Variants in CDIN1 observed in about 807,000 individuals in gnomAD.
The protein encoded by CDIN1 is CDAN1-interacting nuclease 1.
A neutral mutation model predicts 45.3 loss-of-function variants in CDIN1; 33 were observed. That is an observed-to-expected ratio of 0.73 (90% confidence interval 0.55 to 0.97). CDIN1 has a LOEUF of 0.97. CDIN1 is among the 50% of genes least tolerant of loss of function. CDIN1 has a pLI of 0.00. For missense variants in CDIN1, 303 were observed against 339.4 expected (o/e 0.89, Z 0.84); for synonymous variants, 118 against 124.4 (o/e 0.95, Z 0.34).
intron 8 of CDIN1, among the ~76,000 whole-genome samples, chr15:36,701,655 T>G (rs563853724): frequency 2.8e-4 from 42 of 152,308 alleles, no homozygotes; most frequent in Middle Eastern, 3.4e-3. Flanking sequence ...ATAAGAATGG[T>G]TCTGGAGATA....
intron 10 of CDIN1, among the ~76,000 whole-genome samples, chr15:36,801,694 G>A (rs749046178): frequency 4.6e-5 from 7 of 152,064 alleles, no homozygotes; most frequent in South Asian, 2.1e-4. Context: ...CCTTCACAGC[G>A]TGAGACATTT....
At chr15:36,590,174 T>C (rs994739530) in intron 1 of CDIN1, among the ~76,000 whole-genome samples, 7 of 152,174 alleles carry the variant, frequency 4.6e-5, no homozygotes, top group African/African-American at 1.7e-4. Context: ...AAAAGTTTGT[T>C]TGCTTTTTTT....
chr15:36,744,777 A>G (rs1034495744), intron 10 of CDIN1, among the ~76,000 whole-genome samples: 1 of 152,174 alleles, frequency 6.6e-6, no homozygotes, highest in South Asian at 2.1e-4. Context: ...CTTCAACTAT[A>G]CTGCTGTTTT....
At chr15:36,795,687 TTTTA>T (rs1329208933) in intron 10 of CDIN1, among the ~76,000 whole-genome samples, 2 of 151,682 alleles carry the variant, frequency 1.3e-5, no homozygotes, top group South Asian at 2.1e-4. Context: ...CAGCTCTTGT[TTTTA>T]TTTATTTTTA....
chr15:36,803,410 C>T (rs999799186), intron 10 of CDIN1, among the ~76,000 whole-genome samples: 19 of 152,040 alleles, frequency 1.2e-4, no homozygotes, highest in African/African-American at 4.6e-4. Context: ...GCAGCTGTTA[C>T]TTATCTTCAG....
Position 36,614,164 on chromosome 15 carries a change from T to A in CDIN1, c.102-30114T>A, listed in dbSNP as rs949930509. 24 of 697,406 alleles carry A rather than the reference T, an allele frequency of 3.4e-5. No individual in the cohort carries two copies. In the African/African-American group the frequency reaches 3.8e-4, roughly 11 times the overall value. The allele number at this position is 697,406 out of a possible 1,614,324, so 43.2% of individuals were successfully genotyped here. On this transcript the variant is annotated intron_variant, in intron 1 of 10. Coordinates refer to ENST00000566621, the MANE Select transcript of CDIN1 (RefSeq NM_001321759.2). ...AGAGGAGTATTCTGTACACAGAGGT[T>A]GCTGGACCAGACTCTGCTGACCTGA...
chr15:36,609,068 T>C (rs1333644560), intron 1 of CDIN1, among the ~76,000 whole-genome samples: 1 of 152,140 alleles, frequency 6.6e-6, no homozygotes, highest in Non-Finnish European at 1.5e-5. Flanking sequence ...TGGAGTGCAG[T>C]GACATGATCA....
chr15:36,685,338 C>A (rs545203052), intron 5 of CDIN1, among the ~76,000 whole-genome samples: 1 of 151,770 alleles, frequency 6.6e-6, no homozygotes, highest in East Asian at 1.9e-4. Context: ...TCGTTATGTA[C>A]CCAGTAGTCA....
At chr15:36,747,115 C>T (rs2044473635) in intron 10 of CDIN1, 2 of 395,662 alleles carry the variant, frequency 5.1e-6, no homozygotes. Context: ...AATTTCTCAG[C>T]AGTTAGTGCA....
chr15:36,684,007 A>G (rs1364194562), intron 5 of CDIN1, among the ~76,000 whole-genome samples: 1 of 147,908 alleles, frequency 6.8e-6, no homozygotes, highest in East Asian at 2.0e-4. Context: ...ATATACAATC[A>G]TGTCGTCTGC....
At chr15:36,740,135 C>G (rs773386693) in intron 10 of CDIN1, among the ~76,000 whole-genome samples, 1 of 152,166 alleles carries the variant, frequency 6.6e-6, no homozygotes, top group Non-Finnish European at 1.5e-5. Context: ...CTGAGAAATT[C>G]TGTGTCAAGG....
chr15:36,794,018 G>GAAAA (rs36187344), intron 10 of CDIN1, among the ~76,000 whole-genome samples: 1 of 136,962 alleles, frequency 7.3e-6, no homozygotes, highest in African/African-American at 2.7e-5. Context: ...TTACTGTGGT[G>GAAAA]AAAAAAAAAA....
chr15:36,722,985 G>GTGTGTGTT (rs111713255), intron 10 of CDIN1, among the ~76,000 whole-genome samples: 18,619 of 119,018 alleles, frequency 0.16, 1,601 homozygotes, highest in East Asian at 0.27. Flanking sequence ...GTGTGTGTGT[G>GTGTGTGTT]TTTCTCTCTC....
chr15:36,590,448 C>T (rs1397541727), intron 1 of CDIN1, among the ~76,000 whole-genome samples: 1 of 152,172 alleles, frequency 6.6e-6, no homozygotes, highest in African/African-American at 2.4e-5. Context: ...ATTCATATCT[C>T]TTAATATAGC....
chr15:36,671,909 T>TCAGAATA (rs2041466365), intron 5 of CDIN1, among the ~76,000 whole-genome samples: 2 of 152,132 alleles, frequency 1.3e-5, no homozygotes, highest in African/African-American at 4.8e-5. Flanking sequence ...TAGAAGAACT[T>TCAGAATA]CAGAATACAT....
At chr15:36,643,088 A>C (rs10851994) in intron 1 of CDIN1, among the ~76,000 whole-genome samples, 145,239 of 152,242 alleles carry the variant, frequency 0.95, 69,285 homozygotes, top group East Asian at 1. Context: ...ATTGAAAAAA[A>C]CAGACTATAA....
At chr15:36,600,820 T>G (rs1452119785) in intron 1 of CDIN1, among the ~76,000 whole-genome samples, 1 of 152,190 alleles carries the variant, frequency 6.6e-6, no homozygotes, top group Non-Finnish European at 1.5e-5. Flanking sequence ...TTTCAGTAGT[T>G]TATGAAACTT....
At chr15:36,634,547 A>G (rs763662558) in intron 1 of CDIN1, among the ~76,000 whole-genome samples, 3 of 152,194 alleles carry the variant, frequency 2.0e-5, no homozygotes, top group Non-Finnish European at 4.4e-5. Context: ...GTACTGATTT[A>G]TAAGAATTCT....
chr15:36,808,137 A>C (rs1436185590), intron 10 of CDIN1, among the ~76,000 whole-genome samples, 187 bp from the exon 11 acceptor site: 1 of 152,162 alleles, frequency 6.6e-6, no homozygotes, highest in African/African-American at 2.4e-5. Context: ...TCCATCCGAG[A>C]AGGTAGTATG....
Sources: allele counts gnomAD v4.1 joint callset (sites outside exome capture counted in the v4.1 genomes callset), GRCh38; gene constraint gnomAD v4.1.1; transcripts MANE v1.5; gene names NCBI Gene and HGNC (gene_info 2026-07-23, HGNC 2026-07-21).